The following CEP128 variants were observed in gnomAD, a reference collection of about 807,000 sequenced individuals.
CEP128 encodes the protein centrosomal protein 128kDa.
In CEP128, 132 loss-of-function variants were observed where a neutral mutation model predicts 156.7. The observed-to-expected ratio is 0.84, with a 90% CI of 0.73 to 0.97. The LOEUF (loss-of-function observed/expected upper bound fraction) is 0.97. Among genes scored for constraint, CEP128 ranks in the 50% least tolerant of loss-of-function variants. The pLI is 0.00. For synonymous variants in CEP128, 469 were observed against 448.9 expected, an observed-to-expected ratio of 1.04 and a Z score of -0.57; for missense variants, 1,252 against 1,281.9, an observed-to-expected ratio of 0.98 and a Z score of 0.36.
chr14:80,521,827 A>G (rs1360493307), intron 23 of CEP128, among the ~76,000 whole-genome samples: 1 of 152,172 alleles, frequency 6.6e-6, no homozygotes, highest in Non-Finnish European at 1.5e-5. Flanking sequence ...AGCCCATACA[A>G]TCTAGTAGAA....
At chr14:80,911,404 G>A (rs1884206308) in intron 4 of CEP128, among the ~76,000 whole-genome samples, 1 of 152,218 alleles carries the variant, frequency 6.6e-6, no homozygotes, top group South Asian at 2.1e-4. Context: ...TACTCAGGAG[G>A]CTGAGGTAGG....
At chr14:80,699,962 C>G (rs572079982) in intron 19 of CEP128, among the ~76,000 whole-genome samples, 7 of 152,134 alleles carry the variant, frequency 4.6e-5, no homozygotes, top group Non-Finnish European at 8.8e-5. Flanking sequence ...ACCTCTACTA[C>G]AGGGACCAGT....
intron 19 of CEP128, among the ~76,000 whole-genome samples, chr14:80,710,000 A>G (rs1380148894): frequency 6.6e-6 from 1 of 152,040 alleles, no homozygotes; most frequent in African/African-American, 2.4e-5. Context: ...TCTTAAAAAA[A>G]AAAAGCCAGC....
intron 8 of CEP128, among the ~76,000 whole-genome samples, chr14:80,877,015 A>C (rs1888315352): frequency 2.0e-5 from 3 of 152,216 alleles, no homozygotes; most frequent in South Asian, 4.1e-4. Context: ...TACAAAATTA[A>C]ATAACAAAAT....
At chr14:80,798,906 T>C (rs10147896) in intron 13 of CEP128, among the ~76,000 whole-genome samples, 4,078 of 152,258 alleles carry the variant, frequency 0.027, 180 homozygotes, top group African/African-American at 0.093. Flanking sequence ...AAAACATACA[T>C]TGAAAATGGA....
intron 8 of CEP128, among the ~76,000 whole-genome samples, chr14:80,865,141 C>T (rs1372504695): frequency 6.6e-6 from 1 of 152,132 alleles, no homozygotes. Flanking sequence ...ACGAACTAGA[C>T]TTTTTGGAGT....
At chr14:80,577,235 A>G (rs1056305964) in intron 20 of CEP128, among the ~76,000 whole-genome samples, 12 of 152,108 alleles carry the variant, frequency 7.9e-5, no homozygotes, top group African/African-American at 2.9e-4. Context: ...TCCCCTGGGA[A>G]TTCACATTCG....
intron 19 of CEP128, among the ~76,000 whole-genome samples, chr14:80,727,303 A>G (rs1198739782): frequency 6.6e-6 from 1 of 152,196 alleles, no homozygotes; most frequent in African/African-American, 2.4e-5. Context: ...AAGTAAAAAA[A>G]TTTAATAAAT....
At chr14:80,772,025 T>C (rs1261596185) in intron 16 of CEP128, among the ~76,000 whole-genome samples, 1 of 152,188 alleles carries the variant, frequency 6.6e-6, no homozygotes, top group African/African-American at 2.4e-5. Flanking sequence ...TTTAAAATTC[T>C]TATAAACTTT....
At chr14:80,759,534 C>A (rs1278141670) in intron 17 of CEP128, among the ~76,000 whole-genome samples, 2 of 152,102 alleles carry the variant, frequency 1.3e-5, no homozygotes, top group African/African-American at 4.8e-5. Context: ...CTTGAGCATT[C>A]CATTTTTCTT....
chr14:80,818,252 C>A (rs1392887387), intron 13 of CEP128, among the ~76,000 whole-genome samples: 1 of 152,180 alleles, frequency 6.6e-6, no homozygotes, highest in Non-Finnish European at 1.5e-5. Context: ...CTCCTGGACT[C>A]AAGCGATCCT....
At chr14:80,665,895 G>A (rs1487300226) in intron 19 of CEP128, among the ~76,000 whole-genome samples, 1 of 152,080 alleles carries the variant, frequency 6.6e-6, no homozygotes, top group African/African-American at 2.4e-5. Flanking sequence ...GCCATAAAAT[G>A]ACCAAAGTGT....
chr14:80,516,235 C>T (rs746877458), intron 23 of CEP128, among the ~76,000 whole-genome samples: 3 of 152,110 alleles, frequency 2.0e-5, no homozygotes, highest in Non-Finnish European at 4.4e-5. Context: ...TCTCTTCTGA[C>T]CCAGGATCCA....
downstream of CEP128, among the ~76,000 whole-genome samples, chr14:80,494,989 TC>T (rs1054069894): frequency 6.6e-5 from 10 of 152,164 alleles, no homozygotes; most frequent in African/African-American, 2.4e-4. Flanking sequence ...GCTGTGTTTC[TC>T]CCCCTGTAGC....
intron 21 of CEP128, among the ~76,000 whole-genome samples, chr14:80,531,340 T>C (rs1889217813): frequency 6.6e-6 from 1 of 152,198 alleles, no homozygotes; most frequent in Non-Finnish European, 1.5e-5. Flanking sequence ...TTCTCAGCAA[T>C]TATTTCAGTT....
chr14:80,774,470 G>A (rs1302873487), intron 16 of CEP128, among the ~76,000 whole-genome samples: 11 of 152,096 alleles, frequency 7.2e-5, no homozygotes, highest in Admixed American at 7.2e-4. Context: ...TGCTTACATG[G>A]TAATCTTCAG....
intron 11 of CEP128, among the ~76,000 whole-genome samples, chr14:80,837,190 T>C (rs1886120826): frequency 6.6e-6 from 1 of 152,228 alleles, no homozygotes; most frequent in African/African-American, 2.4e-5. Context: ...ACATCTATAA[T>C]GCTTGACATC....
At chr14:80,507,141 T>C (rs1488566902) in intron 23 of CEP128, among the ~76,000 whole-genome samples, 2 of 151,846 alleles carry the variant, frequency 1.3e-5, no homozygotes, top group African/African-American at 4.8e-5. Context: ...GCCGGTATCA[T>C]GCCTGTATAG....
At chr14:80,905,114 T>C (rs1883809571) in intron 5 of CEP128, among the ~76,000 whole-genome samples, 183 bp from the exon 6 acceptor site, 2 of 152,068 alleles carry the variant, frequency 1.3e-5, no homozygotes, top group Admixed American at 1.3e-4. Flanking sequence ...AATCATGCTC[T>C]TAAAGCAGAT....
Sources: gnomAD v4.1 joint callset for allele counts (sites outside exome capture counted in the v4.1 genomes callset) on GRCh38, gnomAD v4.1.1 for gene constraint, MANE v1.5 for transcripts, NCBI Gene and HGNC (gene_info 2026-07-23, HGNC 2026-07-21) for gene names.